ZBTB20: variants seen among roughly 807,000 people sequenced by gnomAD.
The protein encoded by ZBTB20 is zinc finger and BTB domain containing 20, also known as zinc finger and BTB domain-containing protein 20.
A neutral mutation model predicts 56.9 loss-of-function variants in ZBTB20; 9 were observed. The observed-to-expected ratio is 0.16, with a 90% confidence interval of 0.10 to 0.28. ZBTB20 has a LOEUF of 0.28. ZBTB20 is among the 10% of genes least tolerant of loss of function. The pLI, the probability that ZBTB20 is intolerant of heterozygous loss-of-function variation, is 1.00. For missense variants in ZBTB20, 655 were observed against 1,003.0 expected (o/e 0.65, Z 4.69); for synonymous variants, 417 against 420.7 (o/e 0.99, Z 0.11).
At chr3:114,384,892 A>G (rs2108573559) in intron 8 of ZBTB20, among the ~76,000 whole-genome samples, 1 of 152,352 alleles carries the variant, frequency 6.6e-6, no homozygotes, top group Middle Eastern at 3.4e-3. Context: ...TGATGTATAT[A>G]TTTCACACTC....
At chr3:114,817,357 A>G (rs2072996892) in intron 4 of ZBTB20, among the ~76,000 whole-genome samples, 1 of 151,962 alleles carries the variant, frequency 6.6e-6, no homozygotes. Context: ...CGTCTCTACT[A>G]AAAATACAAA....
chr3:114,989,850 C>T lies in ZBTB20; in HGVS notation c.-506-15434G>A, dbSNP rs551788974. ...GTAAGTTGGATTCCTAGGTATTTTACTCTCTTTGAAGCAATTGTGAATGGG... is the reference window on the plus strand; with the variant it reads ...GTAAGTTGGATTCCTAGGTATTTTATTCTCTTTGAAGCAATTGTGAATGGG... On this transcript the variant is annotated intron_variant, in intron 2 of 11. Transcript: ENST00000675478. 9.2e-4 allele frequency among the ~76,000 whole-genome samples: 140 copies of T among 152,066 alleles called. 1 individual carries two copies. Among genetic ancestry groups the T allele is most frequent in the Non-Finnish European group, 1.4e-3 (93 of 67,958 alleles).
At chr3:114,986,105 T>G (rs1227469282) in intron 2 of ZBTB20, among the ~76,000 whole-genome samples, 4 of 152,078 alleles carry the variant, frequency 2.6e-5, no homozygotes, top group Non-Finnish European at 5.9e-5. Context: ...TTAGGAGGAC[T>G]TGTGTTAGAA....
At chr3:114,610,286 C>T (rs1483521171) in intron 6 of ZBTB20, among the ~76,000 whole-genome samples, 1 of 152,202 alleles carries the variant, frequency 6.6e-6, no homozygotes, top group Non-Finnish European at 1.5e-5. Flanking sequence ...AGTGGTATAA[C>T]AAATGCACCC....
chr3:114,811,659 A>C (rs2072521196), intron 4 of ZBTB20, among the ~76,000 whole-genome samples: 1 of 152,242 alleles, frequency 6.6e-6, no homozygotes, highest in Non-Finnish European at 1.5e-5. Flanking sequence ...AGGAAATCAA[A>C]GTATTCACCA....
At chr3:115,010,292 A>G (rs1341007285) in intron 2 of ZBTB20, among the ~76,000 whole-genome samples, 1 of 151,906 alleles carries the variant, frequency 6.6e-6, no homozygotes, top group Non-Finnish European at 1.5e-5. Context: ...GTAGCCAGGG[A>G]GCAGTTACAT....
chr3:114,724,407 A>G (rs1432999319), intron 5 of ZBTB20, among the ~76,000 whole-genome samples: 1 of 152,228 alleles, frequency 6.6e-6, no homozygotes, highest in Non-Finnish European at 1.5e-5. Flanking sequence ...ATTAGCTGTC[A>G]TCTATTTTAA....
intron 4 of ZBTB20, among the ~76,000 whole-genome samples, chr3:114,821,633 C>G (rs143985464): frequency 6.6e-6 from 1 of 152,028 alleles, no homozygotes; most frequent in Non-Finnish European, 1.5e-5. Flanking sequence ...TCCCACCTAC[C>G]GTACTTTATG....
intron 6 of ZBTB20, among the ~76,000 whole-genome samples, chr3:114,661,310 G>C (rs549220344): frequency 6.6e-6 from 1 of 152,098 alleles, no homozygotes; most frequent in Non-Finnish European, 1.5e-5. Flanking sequence ...GGAGAGAAAC[G>C]TACCTTCTTG....
rs182466303 is a variant in ZBTB20, at chr3:115,135,820, A to G, written c.-703+11399T>C. Among the ~76,000 whole-genome samples the G allele has an allele frequency of 2.0e-3, 299 of 152,274 alleles. 2 individuals are homozygous for G. Among genetic ancestry groups the G allele is most frequent in the African/African-American group, 6.7e-3 (278 of 41,582 alleles). On this transcript the variant is annotated intron_variant, in intron 1 of 11. Transcript: ENST00000675478. ...CTAATATTACAGTGTTTAACTGGAT[A>G]AGACTTCTAAAAACTCAGATAATTA...
At chr3:114,544,445 C>CTTTCTT (rs1553747188) in intron 6 of ZBTB20, among the ~76,000 whole-genome samples, 3 of 106,174 alleles carry the variant, frequency 2.8e-5, no homozygotes, top group African/African-American at 1.1e-4. Flanking sequence ...TTCTTTCTTT[C>CTTTCTT]TTTCTTTCTT....
intron 5 of ZBTB20, among the ~76,000 whole-genome samples, chr3:114,768,102 G>A (rs2068912372): frequency 6.6e-6 from 1 of 151,998 alleles, no homozygotes; most frequent in South Asian, 2.1e-4. Context: ...TCTGGACCAA[G>A]CCATAATAAA....
At chr3:115,124,647 C>A (rs1343187964) in intron 1 of ZBTB20, among the ~76,000 whole-genome samples, 1 of 152,114 alleles carries the variant, frequency 6.6e-6, no homozygotes, top group East Asian at 1.9e-4. Context: ...ATAGTCCAAT[C>A]AACCAAGAAA....
intron 7 of ZBTB20, among the ~76,000 whole-genome samples, chr3:114,499,968 T>C (rs2043757024): frequency 1.3e-5 from 2 of 152,218 alleles, no homozygotes; most frequent in South Asian, 4.1e-4. Flanking sequence ...CTATTGGACC[T>C]AGGGATGGGT....
At chr3:114,786,818 C>T (rs1321585530) in intron 5 of ZBTB20, among the ~76,000 whole-genome samples, 1 of 151,922 alleles carries the variant, frequency 6.6e-6, no homozygotes, top group Non-Finnish European at 1.5e-5. Context: ...TATGGAGCTA[C>T]TGAAACTCTT....
In ZBTB20 at chr3:115,081,113, T is replaced by C. The variant is rs183324858; in HGVS notation, c.-702-9699A>G. Among the ~76,000 whole-genome samples, 423 of 152,258 alleles carry C rather than the reference T, an allele frequency of 2.8e-3. 4 individuals carry two copies. Among genetic ancestry groups the C allele is most frequent in the Non-Finnish European group, 3.5e-3 (235 of 67,990 alleles). On this transcript the variant is annotated intron_variant, in intron 1 of 11. Coordinates refer to ENST00000675478, the MANE Select transcript of ZBTB20 (RefSeq NM_001348800.3). The stretch of plus-strand genomic sequence containing the variant: ...TGTTTCTAATTATGCTTCAATGTGA[T>C]AATATCCAAGAAAGTCAACTAAACA...
chr3:114,887,532 C>T (rs1189382263), intron 4 of ZBTB20, among the ~76,000 whole-genome samples: 1 of 152,054 alleles, frequency 6.6e-6, no homozygotes, highest in African/African-American at 2.4e-5. Flanking sequence ...CAGAGGGACA[C>T]ATACAGAGGG....
chr3:114,520,616 C>A (rs1448848421), intron 6 of ZBTB20, among the ~76,000 whole-genome samples: 3 of 152,078 alleles, frequency 2.0e-5, no homozygotes, highest in Non-Finnish European at 4.4e-5. Flanking sequence ...TCTTGTAATG[C>A]TTTATTAAAC....
intron 5 of ZBTB20, among the ~76,000 whole-genome samples, chr3:114,724,543 C>T (rs905589855): frequency 6.6e-6 from 1 of 152,196 alleles, no homozygotes; most frequent in Admixed American, 6.5e-5. Flanking sequence ...CTGAATTCAA[C>T]TACTAGTTGG....
Sources: allele counts gnomAD v4.1 joint callset (sites outside exome capture counted in the v4.1 genomes callset), GRCh38; gene constraint gnomAD v4.1.1; transcripts MANE v1.5; gene names NCBI Gene and HGNC (gene_info 2026-07-23, HGNC 2026-07-21).